The following PTPRD variants were observed in gnomAD, a reference collection of about 807,000 sequenced individuals.
PTPRD encodes protein tyrosine phosphatase receptor type D.
A neutral mutation model predicts 214.5 loss-of-function variants in PTPRD; 34 were observed. The ratio of observed to expected loss-of-function variants is 0.16; its 90% confidence interval spans 0.12 to 0.21. The LOEUF is 0.21. PTPRD is among the 10% of genes least tolerant of loss of function. PTPRD has a pLI of 1.00. For synonymous variants in PTPRD, 1,128 were observed against 845.7 expected, an observed-to-expected ratio of 1.33 and a Z score of -5.79; for missense variants, 2,545 against 2,398.7, an observed-to-expected ratio of 1.06 and a Z score of -1.27.
rs148625202 is a variant in PTPRD, at chr9:8,486,049, T to G, written c.2768A>C (p.Gln923Pro). ...AGTGGTGCCTTCTGAGTGAAGGTTT[T>G]GAGGGAATCCAGTTGGTACTTCTTC... is the stretch of plus-strand genomic sequence containing the variant. ...IPEEVPTGFP[Q>P]NLHSEGTTST... Residue 923 changes from glutamine (Q) to proline (P), a missense_variant, in exon 28 of 46, where the codon CAA becomes CCA. Coordinates refer to ENST00000381196, the MANE Select transcript of PTPRD (RefSeq NM_002839.4). 1.2e-5 allele frequency: 19 copies of G among 1,614,216 alleles called. No individual in the cohort carries two copies. In the Admixed American group the frequency reaches 1.5e-4, roughly 13 times the overall value.
At chr9:10,091,070 A>T (rs2098424569) in intron 3 of PTPRD, among the ~76,000 whole-genome samples, 1 of 151,270 alleles carries the variant, frequency 6.6e-6, no homozygotes, top group Admixed American at 6.6e-5. Context: ...GTATATGTAA[A>T]ACAAATAATG....
At chr9:8,497,348 C>A (rs751822546) in intron 25 of PTPRD, 80 bp from the exon 26 acceptor site, 7 of 1,202,978 alleles carry the variant, frequency 5.8e-6, no homozygotes, top group Non-Finnish European at 8.0e-6. Context: ...CAGTGTTGCC[C>A]TTGTTAGATT....
At position 10,369,947 on chromosome 9, in the gene PTPRD, G is replaced by A. The variant is rs78517202; in HGVS notation, c.-599-28930C>T. ...AGTGAGCTTGTGCTTAATTATATGC[G>A]AGGCATTGTCCTAATACTATACATA... On this transcript the variant is annotated intron_variant, in intron 2 of 45. Coordinates refer to ENST00000381196, the MANE Select transcript of PTPRD (RefSeq NM_002839.4). Among the ~76,000 whole-genome samples, 111 of 152,076 alleles carry A rather than the reference G, an allele frequency of 7.3e-4. 2 individuals carry two copies. In the East Asian group the frequency reaches 0.019, roughly 26 times the overall value.
At chr9:9,574,408 T>C (rs967236609) in intron 8 of PTPRD, among the ~76,000 whole-genome samples, 1 of 152,006 alleles carries the variant, frequency 6.6e-6, no homozygotes, top group Non-Finnish European at 1.5e-5. Flanking sequence ...TGCCATCAAA[T>C]AGACTTCATT....
At chr9:9,822,930 T>C (rs10120235) in intron 5 of PTPRD, among the ~76,000 whole-genome samples, 4,885 of 152,210 alleles carry the variant, frequency 0.032, 85 homozygotes, top group Middle Eastern at 0.058. Context: ...AAGTTAAAAA[T>C]AGTACTACCA....
chr9:8,707,303 G>C (rs1169062343), intron 12 of PTPRD, among the ~76,000 whole-genome samples: 2 of 152,174 alleles, frequency 1.3e-5, no homozygotes, highest in Non-Finnish European at 2.9e-5. Context: ...ATGGGCAATG[G>C]ATATTTCTCC....
intron 11 of PTPRD, among the ~76,000 whole-genome samples, chr9:8,874,425 CT>C (rs1232087661): frequency 5.3e-5 from 8 of 152,136 alleles, no homozygotes; most frequent in Non-Finnish European, 8.8e-5. Context: ...GGAAAGTGGC[CT>C]AGTTGCAGAG....
intron 8 of PTPRD, among the ~76,000 whole-genome samples, chr9:9,470,471 C>G (rs1487078111): frequency 1.3e-5 from 2 of 152,122 alleles, no homozygotes; most frequent in South Asian, 4.2e-4. Flanking sequence ...GCCTTAAATA[C>G]AAAGTATTTT....
chr9:9,831,392 G>C (rs993747246), intron 5 of PTPRD, among the ~76,000 whole-genome samples: 51 of 151,988 alleles, frequency 3.4e-4, no homozygotes, highest in African/African-American at 1.2e-3. Flanking sequence ...AATTCACAAG[G>C]TTACTACATT....
intron 4 of PTPRD, among the ~76,000 whole-genome samples, chr9:9,947,320 A>ATATGTATTATATATATAATATATAT (rs2092711456): frequency 1.1e-5 from 1 of 89,608 alleles, no homozygotes; most frequent in African/African-American, 4.7e-5. Flanking sequence ...TATATATTAT[A>ATATGTATTATATATATAATATATAT]TATATTATAT....
chr9:9,838,146 A>G (rs1173475860), intron 5 of PTPRD, among the ~76,000 whole-genome samples: 3 of 152,072 alleles, frequency 2.0e-5, no homozygotes, highest in Non-Finnish European at 4.4e-5. Flanking sequence ...TTTGTGCCAC[A>G]TTTTCTTAAT....
At chr9:9,463,347 C>A (rs1303712493) in intron 8 of PTPRD, among the ~76,000 whole-genome samples, 1 of 152,088 alleles carries the variant, frequency 6.6e-6, no homozygotes, top group Non-Finnish European at 1.5e-5. Context: ...TAGACTCCTT[C>A]ACTACTTCTG....
intron 3 of PTPRD, among the ~76,000 whole-genome samples, chr9:10,268,384 T>C (rs2094217429): frequency 1.3e-5 from 2 of 151,682 alleles, no homozygotes; most frequent in Admixed American, 1.3e-4. Flanking sequence ...TTTTTAAATG[T>C]TCTAAATTTG....
At chr9:10,571,739 G>C (rs2067505984) in intron 2 of PTPRD, among the ~76,000 whole-genome samples, 2 of 152,210 alleles carry the variant, frequency 1.3e-5, no homozygotes, top group Non-Finnish European at 2.9e-5. Flanking sequence ...ATGGATTCCA[G>C]ATGAAATTGT....
chr9:10,356,077 G>T (rs1391267465), intron 2 of PTPRD, among the ~76,000 whole-genome samples: 1 of 150,256 alleles, frequency 6.7e-6, no homozygotes, highest in East Asian at 2.0e-4. Flanking sequence ...GGTTGTCAGG[G>T]TTTTGAGGGA....
intron 14 of PTPRD, among the ~76,000 whole-genome samples, chr9:8,592,417 T>C (rs1355333081): frequency 6.6e-6 from 1 of 152,172 alleles, no homozygotes; most frequent in Non-Finnish European, 1.5e-5. Context: ...TAGAGTTGAC[T>C]CCTAAGTGAG....
intron 10 of PTPRD, among the ~76,000 whole-genome samples, chr9:9,050,900 T>C (rs570019395): frequency 5.9e-5 from 9 of 152,308 alleles, no homozygotes; most frequent in African/African-American, 2.2e-4. Context: ...ACAATAGATA[T>C]AGGGTTTGGT....
intron 8 of PTPRD, among the ~76,000 whole-genome samples, chr9:9,411,104 G>T (rs1396556247): frequency 6.6e-6 from 1 of 151,994 alleles, no homozygotes; most frequent in African/African-American, 2.4e-5. Flanking sequence ...ACCTGAAAAA[G>T]AAGTGAACCA....
In PTPRD at chr9:8,315,458, A is replaced by T. The variant is rs1821140309; in HGVS notation, c.*2416T>A. On this transcript the variant is annotated 3_prime_UTR_variant, in exon 46 of 46. Transcript: ENST00000381196. Reference sequence around the variant, plus strand: ...AATGTCTGTCTGACCCCCTTTGTTTAACTAAAAGAAAATTATAGCACTGAG... The same window carrying T: ...AATGTCTGTCTGACCCCCTTTGTTTTACTAAAAGAAAATTATAGCACTGAG... The T allele has an allele frequency of 4.3e-6, 1 of 232,086 alleles. No individual in the cohort carries two copies. Among genetic ancestry groups the T allele is most frequent in the Admixed American group, 5.7e-5 (1 of 17,678 alleles). The allele number at this position is 232,086 out of a possible 1,614,324, so 14.4% of individuals were successfully genotyped here.
Sources: allele counts gnomAD v4.1 joint callset (sites outside exome capture counted in the v4.1 genomes callset), GRCh38; gene constraint gnomAD v4.1.1; transcripts MANE v1.5; gene names NCBI Gene and HGNC (gene_info 2026-07-23, HGNC 2026-07-21).